The following FHIT variants were observed in gnomAD, a reference collection of about 807,000 sequenced individuals.
FHIT encodes the protein fragile histidine triad diadenosine triphosphatase, also known as bis(5'-adenosyl)-triphosphatase.
FHIT carries 19 observed loss-of-function variants against 17.9 expected under a neutral mutation model. The observed-to-expected ratio is 1.06, with a 90% CI of 0.74 to 1.56. The LOEUF (loss-of-function observed/expected upper bound fraction) is 1.56. FHIT is among the 40% of genes most tolerant of loss of function. FHIT has a pLI of 0.00. For synonymous variants in FHIT, 81 were observed against 69.7 expected (o/e 1.16, Z -0.81); for missense variants, 248 against 189.2 (o/e 1.31, Z -1.82).
intron 3 of FHIT, among the ~76,000 whole-genome samples, chr3:60,884,819 C>T (rs1212273579): frequency 6.7e-6 from 1 of 148,414 alleles, no homozygotes; most frequent in African/African-American, 2.5e-5. Context: ...GTGGGAAGAT[C>T]GCTTGAGCCC....
chr3:60,719,110 G>T (rs2041752982), intron 4 of FHIT, among the ~76,000 whole-genome samples: 1 of 152,104 alleles, frequency 6.6e-6, no homozygotes, highest in African/African-American at 2.4e-5. Context: ...TCTCTCCATT[G>T]GCCTTAGCTC....
At chr3:59,922,522 G>T (rs758957676) in intron 7 of FHIT, 108 bp from the exon 8 acceptor site, 51 of 910,704 alleles carry the variant, frequency 5.6e-5, no homozygotes, top group Non-Finnish European at 8.5e-5. Context: ...GTTCCTGCTG[G>T]GTTATTTTTC....
rs543777283 is a variant in FHIT at position 60,115,398 on chromosome 3, A to G, written c.104-101246T>C. On this transcript the variant is annotated intron_variant, in intron 5 of 9. Coordinates refer to ENST00000492590, the MANE Select transcript of FHIT (RefSeq NM_002012.4). ...AGAAATATATGTGGTTAACTACCAT[A>G]TGATAAAATACTCAACTTCACTATA... 5.3e-5 allele frequency among the ~76,000 whole-genome samples: 8 copies of G among 152,332 alleles called. No individual in the cohort carries two copies. The East Asian group carries it at 1.3e-3, about 26-fold the overall frequency.
intron 5 of FHIT, among the ~76,000 whole-genome samples, chr3:60,047,970 A>T (rs1701718693): frequency 6.6e-6 from 1 of 152,160 alleles, no homozygotes; most frequent in Non-Finnish European, 1.5e-5. Context: ...TTTTTCTTAC[A>T]GTTCTAGAAA....
At chr3:60,875,583 A>G (rs1704610749) in intron 3 of FHIT, among the ~76,000 whole-genome samples, 1 of 152,200 alleles carries the variant, frequency 6.6e-6, no homozygotes, top group Admixed American at 6.6e-5. Context: ...AGGTTAATTA[A>G]GTTTAAGACA....
intron 8 of FHIT, 26 bp from the exon 9 acceptor site, chr3:59,752,347 C>CTCTT: frequency 6.4e-7 from 1 of 1,574,194 alleles, no homozygotes; most frequent in Admixed American, 1.7e-5. Context: ...AAGGAAGAGG[C>CTCTT]TCTTTCATGG....
At chr3:60,187,428 G>A (rs1024834348) in intron 5 of FHIT, among the ~76,000 whole-genome samples, 10 of 152,190 alleles carry the variant, frequency 6.6e-5, no homozygotes, top group Admixed American at 5.2e-4. Flanking sequence ...GGAAACTCTT[G>A]GATTGTTCCA....
At chr3:59,926,857 ACCCT>A (rs1705686074) in intron 7 of FHIT, among the ~76,000 whole-genome samples, 2 of 152,222 alleles carry the variant, frequency 1.3e-5, no homozygotes, top group South Asian at 4.1e-4. Flanking sequence ...GAGAGCTGGA[ACCCT>A]CCTACACTAC....
intron 5 of FHIT, among the ~76,000 whole-genome samples, chr3:60,255,648 A>G (rs1172833667): frequency 6.6e-6 from 1 of 152,156 alleles, no homozygotes; most frequent in Non-Finnish European, 1.5e-5. Context: ...TGGCTAGTTT[A>G]TATTTTTTTA....
intron 8 of FHIT, among the ~76,000 whole-genome samples, chr3:59,760,526 C>T (rs1341719262): frequency 6.7e-6 from 1 of 149,064 alleles, no homozygotes; most frequent in Non-Finnish European, 1.5e-5. Context: ...CCAAGGTGGG[C>T]ATTTCAGGTT....
At chr3:59,805,755 C>T (rs1177150575) in intron 8 of FHIT, among the ~76,000 whole-genome samples, 1 of 152,178 alleles carries the variant, frequency 6.6e-6, no homozygotes, top group Admixed American at 6.5e-5. Flanking sequence ...CCTCTCTGTG[C>T]CTCAGTTACC....
At chr3:59,919,043 A>G (rs560426667) in intron 8 of FHIT, among the ~76,000 whole-genome samples, 24 of 152,094 alleles carry the variant, frequency 1.6e-4, no homozygotes, top group Non-Finnish European at 2.2e-4. Flanking sequence ...AATGAAAACA[A>G]TATGTTTCAC....
At chr3:60,210,218 G>T (rs889747386) in intron 5 of FHIT, among the ~76,000 whole-genome samples, 1 of 152,162 alleles carries the variant, frequency 6.6e-6, no homozygotes, top group Non-Finnish European at 1.5e-5. Flanking sequence ...ATGGAGTTTT[G>T]ATATGAACTG....
chr3:60,415,296 G>A (rs887283788), intron 5 of FHIT, among the ~76,000 whole-genome samples: 1 of 152,086 alleles, frequency 6.6e-6, no homozygotes, highest in African/African-American at 2.4e-5. Context: ...ATGAGAAAAT[G>A]GGATTCAGCA....
intron 5 of FHIT, among the ~76,000 whole-genome samples, chr3:60,036,781 G>T (rs1399572839): frequency 2.0e-5 from 3 of 152,074 alleles, no homozygotes; most frequent in African/African-American, 7.2e-5. Context: ...TTGTTTGTTT[G>T]TTTGTTTTTG....
intron 1 of FHIT, among the ~76,000 whole-genome samples, chr3:61,234,397 C>A (rs11707666): frequency 0.077 from 11,751 of 152,168 alleles, 1,114 homozygotes; most frequent in East Asian, 0.4. Flanking sequence ...AAAATAATGT[C>A]ATGTTCTAAC....
At position 60,360,398 on chromosome 3, in the gene FHIT, G is replaced by T. The variant is rs114616053; in HGVS notation, c.103+176462C>A. On this transcript the variant is annotated intron_variant, in intron 5 of 9. Coordinates refer to ENST00000492590, the MANE Select transcript of FHIT (RefSeq NM_002012.4). ...AGAAAACATGAGAGAAGGCACTGGGGCCAATAATGCACAGAGTTCAGATAC... is the reference window on the plus strand; with the variant it reads ...AGAAAACATGAGAGAAGGCACTGGGTCCAATAATGCACAGAGTTCAGATAC... 8.1e-3 allele frequency among the ~76,000 whole-genome samples: 1,227 copies of T among 152,180 alleles called. 18 individuals are homozygous for T. The highest frequency in any genetic ancestry group is 0.028 in the African/African-American group (1,160 of 41,510).
chr3:60,244,055 G>A (rs959667526), intron 5 of FHIT, among the ~76,000 whole-genome samples: 2 of 151,984 alleles, frequency 1.3e-5, no homozygotes, highest in Non-Finnish European at 2.9e-5. Context: ...TCAATCAAAG[G>A]CTGAGGTTAA....
intron 5 of FHIT, among the ~76,000 whole-genome samples, chr3:60,109,083 T>C (rs914592970): frequency 2.6e-5 from 4 of 152,038 alleles, no homozygotes; most frequent in African/African-American, 9.7e-5. Flanking sequence ...TAAAAGAGCC[T>C]CACAAACAGT....
Sources: gnomAD v4.1 joint callset for allele counts (sites outside exome capture counted in the v4.1 genomes callset) on GRCh38, gnomAD v4.1.1 for gene constraint, MANE v1.5 for transcripts, NCBI Gene and HGNC (gene_info 2026-07-23, HGNC 2026-07-21) for gene names.